The following SYNE1 variants were observed in gnomAD, a reference collection of about 807,000 sequenced individuals.
SYNE1 encodes the protein nesprin-1.
A neutral mutation model predicts 1,111.0 loss-of-function variants in SYNE1; 616 were observed. The ratio of observed to expected loss-of-function variants is 0.55; its 90% CI spans 0.52 to 0.59. The LOEUF (loss-of-function observed/expected upper bound fraction) is 0.59. Among genes scored for constraint, SYNE1 ranks in the 20% least tolerant of loss-of-function variants. SYNE1 has a pLI of 0.00. For missense variants in SYNE1, 10,006 were observed against 10,417.0 expected, an observed-to-expected ratio of 0.96 and a Z score of 1.72; for synonymous variants, 3,855 against 3,825.8, an observed-to-expected ratio of 1.01 and a Z score of -0.28.
intron 119 of SYNE1, among the ~76,000 whole-genome samples, chr6:152,219,715 G>C (rs2079657198): frequency 6.6e-6 from 1 of 152,194 alleles, no homozygotes; most frequent in South Asian, 2.1e-4. Context: ...TCTCAGTAGG[G>C]TACAGAACAC....
intron 42 of SYNE1, among the ~76,000 whole-genome samples, chr6:152,409,933 T>A (rs1350037230): frequency 6.6e-6 from 1 of 152,192 alleles, no homozygotes; most frequent in Non-Finnish European, 1.5e-5. Context: ...ACAAAATCTA[T>A]GAACTCAATG....
chr6:152,195,270 T>C (rs1587503565), intron 127 of SYNE1, among the ~76,000 whole-genome samples: 1 of 152,212 alleles, frequency 6.6e-6, no homozygotes, highest in Admixed American at 6.5e-5. Context: ...TATATCTGTC[T>C]CTCCAGAATT....
chr6:152,481,621 A>C (rs1157172735), intron 14 of SYNE1: 1 of 441,148 alleles, frequency 2.3e-6, no homozygotes, highest in African/African-American at 2.0e-5. Context: ...TTTTCCATGA[A>C]AAAATTATTG....
chr6:152,199,952 T>C (rs2075064177), intron 127 of SYNE1, among the ~76,000 whole-genome samples: 1 of 152,280 alleles, frequency 6.6e-6, no homozygotes, highest in African/African-American at 2.4e-5. Flanking sequence ...CAACAGTATT[T>C]GGCTGAAAGA....
At chr6:152,222,243 T>A (rs905915462) in intron 117 of SYNE1, among the ~76,000 whole-genome samples, 1 of 152,220 alleles carries the variant, frequency 6.6e-6, no homozygotes. Context: ...AGTGGCACCC[T>A]CCTGCAGAAG....
Position 152,187,875 on chromosome 6 carries a change from G to A in SYNE1, c.23301+1377C>T, listed in dbSNP as rs147948363. On this transcript the variant is annotated intron_variant, in intron 128 of 145. Transcript: ENST00000367255. ...CAAGTAGCTGGGATTACAGGCACCC[G>A]CCACCATCCGCGGCTAATTTTTGTA... Among the ~76,000 whole-genome samples, 379 of 152,140 alleles carry A rather than the reference G, an allele frequency of 2.5e-3. 4 individuals carry two copies. The highest frequency in any genetic ancestry group is 8.6e-3 in the African/African-American group (359 of 41,516).
intron 63 of SYNE1, among the ~76,000 whole-genome samples, chr6:152,363,014 G>A (rs2096961145): frequency 6.6e-6 from 1 of 150,992 alleles, no homozygotes; most frequent in Admixed American, 6.6e-5. Flanking sequence ...CCGAGTAGCT[G>A]GGACTACATG....
At chr6:152,588,622 G>T (rs564861281) in intron 3 of SYNE1, among the ~76,000 whole-genome samples, 2 of 152,292 alleles carry the variant, frequency 1.3e-5, no homozygotes, top group East Asian at 3.9e-4. Context: ...GGTTGGGGAG[G>T]AGGGATGTGT....
chr6:152,483,560 T>C (rs556049198), intron 13 of SYNE1, among the ~76,000 whole-genome samples: 32 of 152,228 alleles, frequency 2.1e-4, no homozygotes, highest in African/African-American at 7.5e-4. Context: ...CAGTGTGGCT[T>C]TTGCTGAAAG....
At chr6:152,306,818 A>G (rs36019875) in intron 91 of SYNE1, among the ~76,000 whole-genome samples, 31,577 of 150,466 alleles carry the variant, frequency 0.21, 3,654 homozygotes, top group African/African-American at 0.25. Context: ...CCCAGTAGGT[A>G]CAGACTGCAA....
intron 100 of SYNE1, 127 bp downstream of exon 100, chr6:152,267,928 TA>T: frequency 1.2e-6 from 1 of 817,564 alleles, no homozygotes; most frequent in Non-Finnish European, 2.1e-6. Flanking sequence ...TTTACTACCC[TA>T]AAGTAAAAAT....
rs780245348 is a variant in SYNE1 at position 152,396,780 on chromosome 6, A to G, written c.7551T>C (p.Leu2517=). ...TGTTTGTTAAACTAACCTACCTTCC[A>G]AGTTCTGAAGCACAGTCTTGAAGAG... ...KQALQDCASE[L]GSFEDQHRKL... Residue 2517 remains leucine (L), a synonymous_variant, in exon 50 of 146, where the codon CTT becomes CTC. Transcript: ENST00000367255. 1.4e-5 allele frequency: 22 copies of G among 1,613,994 alleles called. 1 individual carries two copies. In the East Asian group the frequency reaches 4.9e-4, roughly 36 times the overall value.
rs149272010 is a variant in SYNE1, at chr6:152,249,199, C to T, written c.19534G>A (p.Ala6512Thr). The T allele has an allele frequency of 1.9e-6, 3 of 1,613,876 alleles. No homozygotes were observed. The highest frequency in any genetic ancestry group is 2.5e-6 in the Non-Finnish European group (3 of 1,179,914). The change falls in exon 105 of 146, where the codon GCA (alanine) becomes ACA (threonine). Residue 6512 changes from alanine (A) to threonine (T), a missense_variant. Ala to Thr is a moderately conservative substitution (Grantham distance 58). Coordinates refer to ENST00000367255, the MANE Select transcript of SYNE1 (RefSeq NM_182961.4). ...GCTACGGGCTGTTCAAACACATTTG[C>T]CAGTTTTTGCAGAATGATGTATTTG... Reference protein sequence around the residue: ...DNKYIILQKLANVFEQPVAEQ... With the variant: ...DNKYIILQKLTNVFEQPVAEQ...
Position 152,155,104 on chromosome 6 carries a change from G to A in SYNE1, c.23979-62C>T, listed in dbSNP as rs866500381. On this transcript the variant is annotated intron_variant, in intron 132 of 145. Transcript: ENST00000367255. ...GGAGACTGTTTTCGCTCCAGAACCC[G>A]GTCTGCTGCCTGCGACTGGATTAAG... 3.9e-5 allele frequency: 63 copies of A among 1,602,434 alleles called. No individual in the cohort carries two copies. In the Middle Eastern group the frequency reaches 4.9e-4, roughly 13 times the overall value.
intron 97 of SYNE1, among the ~76,000 whole-genome samples, chr6:152,280,360 G>A (rs1371251835): frequency 1.3e-5 from 2 of 152,070 alleles, no homozygotes; most frequent in Non-Finnish European, 2.9e-5. Context: ...ACGGACCATG[G>A]GCCGCATGTG....
Position 152,395,608 on chromosome 6 carries a change from C to T in SYNE1, c.7620G>A (p.Thr2540=), listed in dbSNP as rs142663488. 14 of 1,614,024 alleles carry T rather than the reference C, an allele frequency of 8.7e-6. No homozygotes were observed. The highest frequency in any genetic ancestry group is 4.5e-5 in the East Asian group (2 of 44,884). ...WIHEMEERFN[T]ENLGESKQHI... The stretch of plus-strand genomic sequence containing the variant: ...GCTGTTTACTCTCTCCCAAGTTTTC[C>T]GTATTGAACCTTTCTTCCATTTCAT... Residue 2540 remains threonine, a synonymous_variant, in exon 51 of 146, where the codon ACG becomes ACA. Coordinates refer to ENST00000367255, the MANE Select transcript of SYNE1 (RefSeq NM_182961.4).
chr6:152,193,033 C>T (rs763890364), intron 127 of SYNE1, among the ~76,000 whole-genome samples: 11 of 152,092 alleles, frequency 7.2e-5, no homozygotes, highest in Non-Finnish European at 1.3e-4. Context: ...CACTCAATGT[C>T]TTCTGAGTTT....
At chr6:152,191,550 AT>A (rs2072388741) in intron 127 of SYNE1, among the ~76,000 whole-genome samples, 1 of 152,020 alleles carries the variant, frequency 6.6e-6, no homozygotes, top group South Asian at 2.1e-4. Flanking sequence ...AGGTTTCCCA[AT>A]TTATTGGCAT....
At chr6:152,589,706 A>G (rs1480027681) in intron 3 of SYNE1, among the ~76,000 whole-genome samples, 1 of 152,218 alleles carries the variant, frequency 6.6e-6, no homozygotes, top group Admixed American at 6.5e-5. Flanking sequence ...AAGGCCCGGC[A>G]TAACCATCTA....
Sources: gnomAD v4.1 joint callset for allele counts (sites outside exome capture counted in the v4.1 genomes callset) on GRCh38, gnomAD v4.1.1 for gene constraint, MANE v1.5 for transcripts, NCBI Gene and HGNC (gene_info 2026-07-23, HGNC 2026-07-21) for gene names.